KANK1: variants seen among roughly 807,000 people sequenced by gnomAD.
KANK1 encodes the protein KN motif and ankyrin repeat domain-containing protein 1.
Under a neutral mutation model 106.2 loss-of-function variants are expected in KANK1, and 109 were observed. The ratio of observed to expected loss-of-function variants is 1.03; its 90% confidence interval spans 0.88 to 1.20. KANK1 has a LOEUF of 1.20. Ranked by LOEUF, KANK1 falls within the 50% of genes most tolerant of loss-of-function variation. The probability of loss-of-function intolerance (pLI) is 0.00; values close to 1 mark genes in which losing one functional copy is unlikely to be tolerated. For synonymous variants in KANK1, 873 were observed against 652.2 expected, an observed-to-expected ratio of 1.34 and a Z score of -5.16; for missense variants, 2,399 against 1,710.7, an observed-to-expected ratio of 1.40 and a Z score of -7.10.
At chr9:566,688 C>A (rs139749598) in intron 1 of KANK1, among the ~76,000 whole-genome samples, 1 of 152,086 alleles carries the variant, frequency 6.6e-6, no homozygotes. Flanking sequence ...ATGCCTTTGC[C>A]TACTTTTTAA....
At chr9:715,253 T>C (rs1054313272) in intron 3 of KANK1, among the ~76,000 whole-genome samples, 12 of 152,182 alleles carry the variant, frequency 7.9e-5, no homozygotes, top group African/African-American at 2.9e-4. Flanking sequence ...GGATTAAAAA[T>C]GATCTGTAGA....
At chr9:736,210 G>A (rs1218043765) in intron 7 of KANK1, among the ~76,000 whole-genome samples, 2 of 152,096 alleles carry the variant, frequency 1.3e-5, no homozygotes, top group African/African-American at 4.8e-5. Context: ...CGCCCATCTT[G>A]GCCTCCCAAA....
At chr9:636,193 C>G (rs889592575) in intron 1 of KANK1, among the ~76,000 whole-genome samples, 1 of 152,118 alleles carries the variant, frequency 6.6e-6, no homozygotes, top group African/African-American at 2.4e-5. Flanking sequence ...TGTAAAAGTT[C>G]TCAGGGATTC....
At chr9:598,615 G>GTTTTTTTTTTTTTTTTTT (rs1306483082) in intron 1 of KANK1, among the ~76,000 whole-genome samples, 1 of 73,334 alleles carries the variant, frequency 1.4e-5, no homozygotes, top group Non-Finnish European at 2.9e-5. Context: ...TGTTTTGTTG[G>GTTTTTTTTTTTTTTTTTT]TTTTCTTTTT....
At chr9:576,253 A>G (rs1009426249) in intron 1 of KANK1, among the ~76,000 whole-genome samples, 2 of 152,158 alleles carry the variant, frequency 1.3e-5, no homozygotes, top group African/African-American at 4.8e-5. Context: ...TCCTTTTATA[A>G]TTTTATGAGT....
chr9:717,857 A>G (rs1222880121), intron 3 of KANK1, among the ~76,000 whole-genome samples: 1 of 152,228 alleles, frequency 6.6e-6, no homozygotes, highest in African/African-American at 2.4e-5. Context: ...AGCAAATACA[A>G]ACAAAACTAT....
intron 1 of KANK1, among the ~76,000 whole-genome samples, chr9:509,485 A>G (rs755806345): frequency 5.3e-5 from 8 of 152,240 alleles, no homozygotes; most frequent in Non-Finnish European, 8.8e-5. Flanking sequence ...TTATGAAGTC[A>G]CAATTCTAAT....
intron 8 of KANK1, 68 bp downstream of exon 8, chr9:738,572 C>A: frequency 8.2e-7 from 1 of 1,224,144 alleles, no homozygotes; most frequent in Admixed American, 1.7e-5. Context: ...CTCAGAGAAC[C>A]TGGTTGAGCC....
chr9:573,294 G>T (rs974513850), intron 1 of KANK1, among the ~76,000 whole-genome samples: 4 of 152,098 alleles, frequency 2.6e-5, no homozygotes, highest in African/African-American at 9.7e-5. Flanking sequence ...TTTTGAGACA[G>T]AGTCTCGCTC....
chr9:719,108 C>G (rs7021508), intron 3 of KANK1, among the ~76,000 whole-genome samples: 77,956 of 151,354 alleles, frequency 0.52, 22,181 homozygotes, highest in Non-Finnish European at 0.67. Flanking sequence ...TACAGGCACA[C>G]GCCACCAGGC....
chr9:572,751 G>A (rs1819538530), intron 1 of KANK1, among the ~76,000 whole-genome samples: 1 of 152,010 alleles, frequency 6.6e-6, no homozygotes, highest in Non-Finnish European at 1.5e-5. Flanking sequence ...TAAAGTCAGT[G>A]CATTTTTTGC....
intron 1 of KANK1, among the ~76,000 whole-genome samples, chr9:517,603 C>G (rs371296187): frequency 2.6e-5 from 4 of 151,468 alleles, no homozygotes; most frequent in East Asian, 1.9e-4. Context: ...TTCACACTTT[C>G]TAGAGAAGGT....
intron 1 of KANK1, among the ~76,000 whole-genome samples, chr9:591,929 G>T (rs973757797): frequency 6.6e-6 from 1 of 151,648 alleles, no homozygotes; most frequent in South Asian, 2.1e-4. Context: ...AAAATGCTGG[G>T]ATTACAGGAG....
chr9:543,986 A>T (rs1045888640), intron 1 of KANK1, among the ~76,000 whole-genome samples: 6 of 152,092 alleles, frequency 3.9e-5, no homozygotes, highest in African/African-American at 1.4e-4. Context: ...CTTAGTAAAT[A>T]TAACATTTCA....
At chr9:572,753 A>T (rs1471944686) in intron 1 of KANK1, among the ~76,000 whole-genome samples, 1 of 152,012 alleles carries the variant, frequency 6.6e-6, no homozygotes, top group East Asian at 1.9e-4. Context: ...AAGTCAGTGC[A>T]TTTTTTGCAT....
intron 1 of KANK1, among the ~76,000 whole-genome samples, chr9:557,188 GAAAA>G (rs35320012): frequency 0.086 from 9,742 of 113,484 alleles, 903 homozygotes; most frequent in African/African-American, 0.26. Flanking sequence ...GTCTCAAAAG[GAAAA>G]AAAAAAAAAA....
intron 3 of KANK1, among the ~76,000 whole-genome samples, chr9:488,204 T>A (rs914244062): frequency 6.6e-6 from 1 of 152,160 alleles, no homozygotes; most frequent in African/African-American, 2.4e-5. Context: ...GGGTAATGTG[T>A]ATGCATTTTG....
chr9:569,317 A>G (rs760854681), intron 1 of KANK1, among the ~76,000 whole-genome samples: 6 of 152,158 alleles, frequency 3.9e-5, no homozygotes, highest in Non-Finnish European at 7.4e-5. Flanking sequence ...TTAACCCCCA[A>G]TGTGGCAATA....
rs536299330 is a variant in KANK1, at chr9:540,397, G to A, written c.-84+35643G>A. 5 of 152,258 alleles carry A rather than the reference G, an allele frequency of 3.3e-5. No homozygotes were observed. The South Asian group carries it at 1.0e-3, about 32-fold the overall frequency. The allele number at this position is 152,258 out of a possible 1,614,324, so 9.4% of individuals were successfully genotyped here. A position where few individuals can be genotyped will look rare whatever the true frequency, so the allele number is the denominator to read the frequency against. On this transcript the variant is annotated intron_variant, in intron 1 of 11. Transcript: ENST00000382297. Reference sequence around the variant, plus strand: ...CCAGGGATAAATCCCATTTGTTCATGGTGTATGATCCTTTTAATGTGCTTT... The same window carrying A: ...CCAGGGATAAATCCCATTTGTTCATAGTGTATGATCCTTTTAATGTGCTTT...
Sources: gnomAD v4.1 joint callset for allele counts (sites outside exome capture counted in the v4.1 genomes callset) on GRCh38, gnomAD v4.1.1 for gene constraint, MANE v1.5 for transcripts, NCBI Gene and HGNC (gene_info 2026-07-23, HGNC 2026-07-21) for gene names.